The following ZFAT variants were observed in gnomAD, a reference collection of about 807,000 sequenced individuals.
ZFAT encodes zinc finger protein ZFAT.
In ZFAT, 64 loss-of-function variants were observed where a neutral mutation model predicts 117.7. The observed-to-expected ratio is 0.54, with a 90% CI of 0.44 to 0.67. The LOEUF is 0.67. ZFAT is among the 30% of genes least tolerant of loss of function. The pLI is 0.00. For missense variants in ZFAT, 1,433 were observed against 1,584.5 expected, an observed-to-expected ratio of 0.90 and a Z score of 1.62; for synonymous variants, 679 against 615.0, an observed-to-expected ratio of 1.10 and a Z score of -1.54.
chr8:134,569,187 T>A (rs11166599), intron 10 of ZFAT, among the ~76,000 whole-genome samples: 1 of 151,818 alleles, frequency 6.6e-6, no homozygotes, highest in Admixed American at 6.6e-5. Context: ...ACCCAGGAGG[T>A]GGGCAGTGTC....
chr8:134,702,680 T>TA (rs1202149181), intron 1 of ZFAT, among the ~76,000 whole-genome samples: 1 of 148,650 alleles, frequency 6.7e-6, no homozygotes, highest in Non-Finnish European at 1.5e-5. Context: ...TTTTTTTTTC[T>TA]TTTTTTTTTG....
chr8:134,612,244 C>A (rs544169175), intron 3 of ZFAT, among the ~76,000 whole-genome samples: 1 of 152,204 alleles, frequency 6.6e-6, no homozygotes, highest in Non-Finnish European at 1.5e-5. Context: ...AAGCAGGGTG[C>A]GCAAGCGCAA....
chr8:134,829,042 T>A, the ZFAT span, among the ~76,000 whole-genome samples: 3 of 152,146 alleles, frequency 2.0e-5, no homozygotes, highest in African/African-American at 7.2e-5. Flanking sequence ...CTAGTGAGAG[T>A]GTCTGACAAC....
chr8:134,533,003 G>A, intron 11 of ZFAT, 31 bp from the exon 12 acceptor site: 1 of 1,579,482 alleles, frequency 6.3e-7, no homozygotes, highest in Non-Finnish European at 8.6e-7. Flanking sequence ...GGTTAGGAAA[G>A]GTGAGCCCCA....
the ZFAT span, among the ~76,000 whole-genome samples, chr8:134,810,823 G>A: frequency 2.6e-5 from 4 of 152,070 alleles, no homozygotes; most frequent in African/African-American, 9.7e-5. Flanking sequence ...ACACTTTTTT[G>A]AAAACCTTCC....
Position 134,478,774 on chromosome 8 carries a change from C to T in ZFAT, c.3493-53G>A, listed in dbSNP as rs1005064468. The T allele has an allele frequency of 5.1e-5, 78 of 1,521,390 alleles. 1 individual carries two copies. Among genetic ancestry groups the T allele is most frequent in the Non-Finnish European group, 6.4e-5 (72 of 1,133,628 alleles). The allele number at this position is 1,521,390 out of a possible 1,614,324, so 94.2% of individuals were successfully genotyped here. ...ACCCAGCGCCTACTTCCCGGTCCAG[C>T]GTAACAACAAAGTCACAACTACAGT... On this transcript the variant is annotated intron_variant, in intron 15 of 15. Transcript: ENST00000377838. This position sits in a 1 kb window ranked among gnomAD's most constrained non-coding sequence, Gnocchi z 5.2.
the ZFAT span, among the ~76,000 whole-genome samples, chr8:134,769,113 C>A: frequency 1.3e-5 from 2 of 152,078 alleles, no homozygotes. Context: ...GTGGAGGTTG[C>A]AGTGAGCTGA....
intron 1 of ZFAT, among the ~76,000 whole-genome samples, chr8:134,667,827 A>G (rs1832314214): frequency 1.3e-5 from 2 of 152,040 alleles, no homozygotes; most frequent in South Asian, 2.1e-4. Context: ...CTCACCCGGG[A>G]AGTAAGGGGT....
chr8:134,782,205 A>G, the ZFAT span, among the ~76,000 whole-genome samples: 1 of 152,226 alleles, frequency 6.6e-6, no homozygotes, highest in Admixed American at 6.5e-5. Flanking sequence ...CATTCTCAGA[A>G]AGTTTCTCTT....
chr8:134,495,944 A>C (rs547432384), intron 15 of ZFAT, among the ~76,000 whole-genome samples: 1 of 152,104 alleles, frequency 6.6e-6, no homozygotes, highest in South Asian at 2.1e-4. Flanking sequence ...AAAAAAAAAA[A>C]GTTGGTGTCT....
chr8:134,825,939 T>C, the ZFAT span, among the ~76,000 whole-genome samples: 1 of 150,554 alleles, frequency 6.6e-6, no homozygotes, highest in Non-Finnish European at 1.5e-5. Context: ...GAGAATGGCG[T>C]GAACCCGAGA....
At chr8:134,735,995 G>A in the ZFAT span, among the ~76,000 whole-genome samples, 1 of 152,140 alleles carries the variant, frequency 6.6e-6, no homozygotes, top group Non-Finnish European at 1.5e-5. Flanking sequence ...GCTCCAAAGA[G>A]TCAAGCAGGC....
chr8:134,600,723 A>T, intron 6 of ZFAT, 55 bp from the exon 7 acceptor site: 1 of 1,352,332 alleles, frequency 7.4e-7, no homozygotes, highest in Non-Finnish European at 9.9e-7. Context: ...CTGATTTTGA[A>T]TTTTTTAAAT....
At chr8:134,759,535 A>G in the ZFAT span, among the ~76,000 whole-genome samples, 131 of 152,170 alleles carry the variant, frequency 8.6e-4, no homozygotes, top group African/African-American at 2.9e-3. Context: ...TGGAGGGAGG[A>G]TGGTGGTATT....
the ZFAT span, chr8:134,765,572 C>T: frequency 6.6e-6 from 1 of 152,200 alleles, no homozygotes; most frequent in African/African-American, 2.4e-5. Flanking sequence ...CAACTTGTGA[C>T]TGGTGCAAAT....
the ZFAT span, among the ~76,000 whole-genome samples, chr8:134,721,457 GAGGA>G: frequency 6.6e-6 from 1 of 152,244 alleles, no homozygotes; most frequent in South Asian, 2.1e-4. Flanking sequence ...GCTGACGGAA[GAGGA>G]TGACAGGGAG....
intron 6 of ZFAT, 57 bp from the exon 7 acceptor site, chr8:134,600,725 T>A: frequency 7.4e-7 from 1 of 1,354,252 alleles, no homozygotes; most frequent in East Asian, 2.5e-5. Context: ...GATTTTGAAT[T>A]TTTTAAATTA....
chr8:134,716,763 G>A (rs1189983329), upstream of ZFAT, among the ~76,000 whole-genome samples: 1 of 152,178 alleles, frequency 6.6e-6, no homozygotes, highest in Non-Finnish European at 1.5e-5. Context: ...CATTGTATAT[G>A]CAAAAATAGA....
At chr8:134,627,435 C>T (rs911701812) in intron 3 of ZFAT, among the ~76,000 whole-genome samples, 3 of 152,176 alleles carry the variant, frequency 2.0e-5, no homozygotes, top group African/African-American at 7.2e-5. Flanking sequence ...AACTTCCATA[C>T]ATAACCCTTA....
Sources: allele counts gnomAD v4.1 joint callset (sites outside exome capture counted in the v4.1 genomes callset), GRCh38; gene constraint gnomAD v4.1.1; non-coding constraint Gnocchi (gnomAD v3.1); transcripts MANE v1.5; gene names NCBI Gene and HGNC (gene_info 2026-07-23, HGNC 2026-07-21).